Variants in SLC25A33 observed in about 807,000 individuals in gnomAD.
The protein encoded by SLC25A33 is bone marrow stromal cell mitochondrial carrier protein.
SLC25A33 carries 15 observed loss-of-function variants against 35.5 expected under a neutral mutation model. The ratio of observed to expected loss-of-function variants is 0.42; its 90% CI spans 0.28 to 0.65. SLC25A33 has a LOEUF of 0.65. Ranked by LOEUF, SLC25A33 falls within the 30% of genes least tolerant of loss-of-function variation. SLC25A33 has a pLI of 0.20. For missense variants in SLC25A33, 257 were observed against 398.5 expected (o/e 0.64, Z 3.02); for synonymous variants, 136 against 148.7 (o/e 0.91, Z 0.62).
At chr1:9,566,706 CG>C (rs1391849608) in intron 2 of SLC25A33, among the ~76,000 whole-genome samples, 3 of 152,006 alleles carry the variant, frequency 2.0e-5, no homozygotes, top group African/African-American at 7.3e-5. Context: ...GTTAGCTGAG[CG>C]TGGTGGTGCA....
At chr1:9,549,978 A>G (rs1380422430) in intron 1 of SLC25A33, among the ~76,000 whole-genome samples, 4 of 123,584 alleles carry the variant, frequency 3.2e-5, no homozygotes, top group African/African-American at 6.2e-5. Context: ...CTATATATGT[A>G]TATATATTTT....
chr1:9,559,791 C>T (rs1401795040), intron 2 of SLC25A33, among the ~76,000 whole-genome samples: 3 of 152,134 alleles, frequency 2.0e-5, no homozygotes, highest in African/African-American at 4.8e-5. Flanking sequence ...GTACAGCTTT[C>T]TGTTTCTTCA....
At chr1:9,565,887 AAAAC>A (rs1164067540) in intron 2 of SLC25A33, among the ~76,000 whole-genome samples, 1 of 151,876 alleles carries the variant, frequency 6.6e-6, no homozygotes, top group African/African-American at 2.4e-5. Flanking sequence ...CAAAAAAAAA[AAAAC>A]AAAGAAAAGA....
chr1:9,583,162 G>A lies in SLC25A33; in HGVS notation c.*661G>A, dbSNP rs1425446325. ...AAACCCAGGGGGCAGAGGTTGCAGC[G>A]AGCTGAGATCACGTCACTTCACTCC... On this transcript the variant is annotated 3_prime_UTR_variant, in exon 7 of 7. Coordinates refer to ENST00000302692, the MANE Select transcript of SLC25A33 (RefSeq NM_032315.3). The A allele has an allele frequency of 2.6e-5, 4 of 151,904 alleles. No homozygotes were observed. The highest frequency in any genetic ancestry group is 1.3e-4 in the Admixed American group (2 of 15,250). The allele number at this position is 151,904 out of a possible 1,614,324, so 9.4% of individuals were successfully genotyped here. A position where few individuals can be genotyped will look rare whatever the true frequency, so the allele number is the denominator to read the frequency against.
chr1:9,554,685 T>A (rs1643316330), intron 2 of SLC25A33, among the ~76,000 whole-genome samples: 1 of 152,160 alleles, frequency 6.6e-6, no homozygotes, highest in Admixed American at 6.5e-5. Context: ...TGGGAAATAT[T>A]TTTAAATGTG....
chr1:9,572,513 G>A (rs1643605290), intron 4 of SLC25A33, among the ~76,000 whole-genome samples: 1 of 152,054 alleles, frequency 6.6e-6, no homozygotes, highest in Admixed American at 6.5e-5. Context: ...AGCTGCTCGG[G>A]AGGCTGAGTC....
chr1:9,543,838 G>T (rs1643128554), intron 1 of SLC25A33, among the ~76,000 whole-genome samples: 1 of 152,170 alleles, frequency 6.6e-6, no homozygotes, highest in Non-Finnish European at 1.5e-5. Context: ...AGGTGTGGTG[G>T]CTCACGCCTG....
chr1:9,553,240 T>TG (rs1643294703), intron 1 of SLC25A33, among the ~76,000 whole-genome samples: 1 of 143,146 alleles, frequency 7.0e-6, no homozygotes, highest in African/African-American at 2.7e-5. Flanking sequence ...GTTTTTTTTT[T>TG]GTTTGAGACG....
At chr1:9,542,118 T>A (rs958493283) in intron 1 of SLC25A33, among the ~76,000 whole-genome samples, 4 of 152,180 alleles carry the variant, frequency 2.6e-5, no homozygotes, top group Non-Finnish European at 5.9e-5. Context: ...TTTTACAATT[T>A]TTCTTTGTAT....
chr1:9,564,158 G>A (rs1340253599), intron 2 of SLC25A33, among the ~76,000 whole-genome samples: 3 of 152,128 alleles, frequency 2.0e-5, no homozygotes, highest in Non-Finnish European at 4.4e-5. Context: ...TTTAACCAAC[G>A]TGAATAACTG....
chr1:9,546,722 T>C (rs148432635), intron 1 of SLC25A33, among the ~76,000 whole-genome samples: 378 of 152,262 alleles, frequency 2.5e-3, no homozygotes, highest in Middle Eastern at 6.8e-3. Flanking sequence ...TTGCAAGTAA[T>C]AGAAGATTCA....
chr1:9,560,588 ATAGTCT>A (rs1374160069), intron 2 of SLC25A33, among the ~76,000 whole-genome samples: 1 of 152,188 alleles, frequency 6.6e-6, no homozygotes, highest in African/African-American at 2.4e-5. Context: ...CTGCTTATTA[ATAGTCT>A]TACTCATTTG....
At chr1:9,550,710 T>G (rs1643254796) in intron 1 of SLC25A33, among the ~76,000 whole-genome samples, 1 of 152,036 alleles carries the variant, frequency 6.6e-6, no homozygotes, top group Non-Finnish European at 1.5e-5. Flanking sequence ...CTTGGCTTTG[T>G]CACCCAGGCT....
rs866181104 is a variant in SLC25A33 at position 9,583,179 on chromosome 1, C to G, written c.*678C>G. The G allele has an allele frequency of 1.3e-5, 2 of 151,942 alleles. No individual in the cohort carries two copies. The highest frequency in any genetic ancestry group is 6.6e-5 in the Admixed American group (1 of 15,236). 9.4% of individuals were successfully genotyped at this position (151,942 alleles called of 1,614,324 possible). ...GTTGCAGCGAGCTGAGATCACGTCACTTCACTCCAGCCTGGTCGACAGAGT... is the reference window on the plus strand; with the variant it reads ...GTTGCAGCGAGCTGAGATCACGTCAGTTCACTCCAGCCTGGTCGACAGAGT... On this transcript the variant is annotated 3_prime_UTR_variant, in exon 7 of 7. Coordinates refer to ENST00000302692, the MANE Select transcript of SLC25A33 (RefSeq NM_032315.3).
intron 3 of SLC25A33, among the ~76,000 whole-genome samples, 156 bp downstream of exon 3, chr1:9,567,517 G>A (rs906912760): frequency 8.5e-5 from 13 of 152,206 alleles, no homozygotes; most frequent in African/African-American, 2.9e-4. Flanking sequence ...GAGAATGCTA[G>A]GCGTGTCTTC....
rs61782985 is a variant in SLC25A33 at position 9,568,915 on chromosome 1, A to G, written c.315-1343A>G. On this transcript the variant is annotated intron_variant, in intron 3 of 6. Coordinates refer to ENST00000302692, the MANE Select transcript of SLC25A33 (RefSeq NM_032315.3). ...GTTGTCTTATATAGGGTGAAGACCA[A>G]AAGCTTATAGAATTCTTCCAGATCA... 3.2e-3 allele frequency among the ~76,000 whole-genome samples: 484 copies of G among 152,022 alleles called. 3 individuals carry two copies. Among genetic ancestry groups the G allele is most frequent in the African/African-American group, 0.011 (450 of 41,496 alleles).
chr1:9,549,345 TTGGTGGGATCAATGGGGGGGATGAACTGA>T (rs1643227033), intron 1 of SLC25A33, among the ~76,000 whole-genome samples: 1 of 51,232 alleles, frequency 2.0e-5, no homozygotes, highest in Non-Finnish European at 3.8e-5. Flanking sequence ...GGATGAACTG[TTGGTGGGATCAATGGGGGGGATGAACTGA>T]TGGTGGGATC....
chr1:9,571,362 C>T (rs1006922277), intron 4 of SLC25A33, among the ~76,000 whole-genome samples: 1 of 152,128 alleles, frequency 6.6e-6, no homozygotes, highest in African/African-American at 2.4e-5. Context: ...GGCGCAATCT[C>T]GGCTCACTGC....
intron 2 of SLC25A33, among the ~76,000 whole-genome samples, chr1:9,563,522 G>A (rs1053139453): frequency 6.6e-6 from 1 of 152,136 alleles, no homozygotes; most frequent in African/African-American, 2.4e-5. Context: ...AATGTCAGCT[G>A]TACCTCTTTT....
Sources: gnomAD v4.1 joint callset for allele counts (sites outside exome capture counted in the v4.1 genomes callset) on GRCh38, gnomAD v4.1.1 for gene constraint, MANE v1.5 for transcripts, NCBI Gene and HGNC (gene_info 2026-07-23, HGNC 2026-07-21) for gene names.